The following FCHO1 variants were observed in gnomAD, a reference collection of about 807,000 sequenced individuals.
FCHO1 encodes FCH and mu domain containing endocytic adaptor 1.
A neutral mutation model predicts 114.4 loss-of-function variants in FCHO1; 45 were observed. That is an observed-to-expected ratio of 0.39 (90% CI 0.31 to 0.50). The LOEUF (loss-of-function observed/expected upper bound fraction) is 0.50. Ranked by LOEUF, FCHO1 falls within the 20% of genes least tolerant of loss-of-function variation. The probability of loss-of-function intolerance (pLI) is 0.77; values close to 1 mark genes in which losing one functional copy is unlikely to be tolerated. For synonymous variants in FCHO1, 480 were observed against 488.9 expected (o/e 0.98, Z 0.24); for missense variants, 1,042 against 1,209.6 (o/e 0.86, Z 2.06).
At position 17,784,155 on chromosome 19, in the gene FCHO1, G is replaced by A; in HGVS notation, c.2146G>A (p.Ala716Thr). The A allele has an allele frequency of 6.2e-7, 1 of 1,614,096 alleles. No individual in the cohort carries two copies. The highest frequency in any genetic ancestry group is 8.5e-7 in the Non-Finnish European group (1 of 1,180,020). ...ETKDFWLNMA[A>T]LTEALQRQAE... is the part of the protein sequence containing the mutation. The stretch of plus-strand genomic sequence containing the variant: ...CAAAGACTTCTGGCTCAACATGGCA[G>A]CTCTGACCGAAGCCCTGCAGCGCCA... Residue 716 changes from alanine to threonine, a missense_variant, in exon 25 of 29, where the codon GCT becomes ACT. Transcript: ENST00000596536. This position sits in a 1 kb window ranked among gnomAD's most constrained non-coding sequence, Gnocchi z 5.3.
intron 8 of FCHO1, 99 bp downstream of exon 8, chr19:17,770,676 C>T: frequency 6.3e-7 from 1 of 1,578,496 alleles, no homozygotes; most frequent in Middle Eastern, 1.9e-4. Flanking sequence ...GGTCCTGGAA[C>T]CTGTGGGTGA....
At position 17,781,555 on chromosome 19, in the gene FCHO1, C is replaced by T; in HGVS notation, c.1828+16C>T. 1.9e-6 allele frequency: 3 copies of T among 1,613,434 alleles called. No homozygotes were observed. Among genetic ancestry groups the T allele is most frequent in the African/African-American group, 2.7e-5 (2 of 75,016 alleles). The stretch of plus-strand genomic sequence containing the variant: ...ACAGGACACGGTATGTGAGGGCGGT[C>T]CTGGGCCTGGCTTTGGGCCTCAGTG... On this transcript the variant is annotated intron_variant, in intron 22 of 28. Coordinates refer to ENST00000596536, the MANE Select transcript of FCHO1 (RefSeq NM_015122.3).
Position 17,781,140 on chromosome 19 carries a change from C to CTCCTAAGA in FCHO1, c.1628-89_1628-82dup, listed in dbSNP as rs2093368052. On this transcript the variant is annotated intron_variant, in intron 20 of 28. Coordinates refer to ENST00000596536, the MANE Select transcript of FCHO1 (RefSeq NM_015122.3). ...TGGGGGTCTCTGCAGAAAAGCCCAC[C>CTCCTAAGA]TCCTAAGATTTTGGCTGAGTTTGTG... 11 of 861,236 alleles carry CTCCTAAGA rather than the reference C, an allele frequency of 1.3e-5. No individual in the cohort carries two copies. The South Asian group carries it at 1.8e-4, about 14-fold the overall frequency. 53.3% of individuals were successfully genotyped at this position (861,236 alleles called of 1,614,324 possible). A position where few individuals can be genotyped will look rare whatever the true frequency, so the allele number is the denominator to read the frequency against.
chr19:17,753,453 C>T (rs747966783), intron 1 of FCHO1, among the ~76,000 whole-genome samples: 4 of 152,190 alleles, frequency 2.6e-5, no homozygotes, highest in African/African-American at 4.8e-5. Context: ...GACCTTGTCC[C>T]TCCATCTGGC....
chr19:17,752,753 A>T (rs1048651149), intron 1 of FCHO1, among the ~76,000 whole-genome samples: 2 of 150,816 alleles, frequency 1.3e-5, no homozygotes, highest in African/African-American at 4.9e-5. Flanking sequence ...AAAAAAAAAA[A>T]TTTATTTTTA....
Position 17,787,856 on chromosome 19 carries a change from A to AGT in FCHO1, c.2647+10_2647+11insGT. 1 of 1,610,754 alleles carries AGT rather than the reference A, an allele frequency of 6.2e-7. No individual in the cohort carries two copies. On this transcript the variant is annotated intron_variant, in intron 28 of 28. Transcript: ENST00000596536. ...AGGAGGTTTGCCACAGGTACTCCCC[A>AGT]ACCCTGCTGCTGGGTGACCTCAGGA...
At chr19:17,773,656 G>C (rs1267713095) in intron 11 of FCHO1, among the ~76,000 whole-genome samples, 1 of 152,244 alleles carries the variant, frequency 6.6e-6, no homozygotes, top group East Asian at 1.9e-4. Flanking sequence ...CCCAACCCAA[G>C]TTCCAGCCAC....
Position 17,778,760 on chromosome 19 carries a change from C to T in FCHO1, c.1503C>T (p.Ser501=). 1 of 1,539,026 alleles carries T rather than the reference C, an allele frequency of 6.5e-7. No individual in the cohort carries two copies. Among genetic ancestry groups the T allele is most frequent in the Non-Finnish European group, 8.7e-7 (1 of 1,147,560 alleles). Residue 501 remains serine, a synonymous_variant, in exon 20 of 29, where the codon AGC becomes AGT. Transcript: ENST00000596536. ...TCCCCCGCCCAGGCACCCCGCAGAG[C>T]CCGCCCAGCTGTAGGGCGCCACCCC... ...SWVPRPGTPQ[S]PPSCRAPPPE...
intron 27 of FCHO1, 90 bp downstream of exon 27, chr19:17,786,719 A>T: frequency 7.0e-7 from 1 of 1,426,400 alleles, no homozygotes; most frequent in Non-Finnish European, 9.6e-7. Flanking sequence ...TTGGGGACAT[A>T]CTGAGGGCGG....
chr19:17,778,473 G>A (rs1288195148), intron 19 of FCHO1, 136 bp from the exon 20 acceptor site: 3 of 1,015,586 alleles, frequency 3.0e-6, no homozygotes, highest in African/African-American at 3.2e-5. Context: ...AGAAGGTGTA[G>A]CCTTGGGGGC....
In FCHO1 at chr19:17,776,487, C is replaced by T. The variant is rs763264741; in HGVS notation, c.1208-148C>T. On this transcript the variant is annotated intron_variant, in intron 17 of 28. Coordinates refer to ENST00000596536, the MANE Select transcript of FCHO1 (RefSeq NM_015122.3). The surrounding 1 kb of genome is among the most constrained non-coding windows in gnomAD (Gnocchi z 4.4). ...AGAAGCTAGCATCTGGAGACAGGCT[C>T]GCTTAGGCTTGAATCCATGTCTGCC... is the stretch of plus-strand genomic sequence containing the variant. 4.4e-5 allele frequency: 46 copies of T among 1,039,922 alleles called. No individual in the cohort carries two copies. The highest frequency in any genetic ancestry group is 6.1e-5 in the Non-Finnish European group (41 of 673,774). 64.4% of individuals were successfully genotyped at this position (1,039,922 alleles called of 1,614,324 possible).
chr19:17,749,012 G>A (rs2081290437), upstream of FCHO1, among the ~76,000 whole-genome samples: 1 of 152,198 alleles, frequency 6.6e-6, no homozygotes, highest in Non-Finnish European at 1.5e-5. Flanking sequence ...TTGGGGCTGA[G>A]GGCATGGGGA....
chr19:17,762,919 G>A, intron 5 of FCHO1, 66 bp downstream of exon 5: 1 of 1,095,032 alleles, frequency 9.1e-7, no homozygotes, highest in Middle Eastern at 2.7e-4. Flanking sequence ...CCCACCTAAT[G>A]GCTACGCCCT....
Position 17,770,773 on chromosome 19 carries a change from TCCTCCCTGTG to T in FCHO1, c.490-17_490-8del. On this transcript the variant is annotated splice_polypyrimidine_tract_variant and intron_variant, in intron 8 of 28. Coordinates refer to ENST00000596536, the MANE Select transcript of FCHO1 (RefSeq NM_015122.3). Reference sequence around the variant, plus strand: ...TGAGTATCGCCCTCCCATCCCCGTTTCCTCCCTGTGCTTTGTAGGCGGAGACTAAAACCAA... The same window carrying T: ...TGAGTATCGCCCTCCCATCCCCGTTTCTTTGTAGGCGGAGACTAAAACCAA... 1 of 1,613,586 alleles carries T rather than the reference TCCTCCCTGTG, an allele frequency of 6.2e-7. No individual in the cohort carries two copies. The highest frequency in any genetic ancestry group is 1.7e-4 in the Middle Eastern group (1 of 5,832).
At chr19:17,778,370 T>A in intron 19 of FCHO1, 142 bp downstream of exon 19, 2 of 672,986 alleles carry the variant, frequency 3.0e-6, no homozygotes, top group Non-Finnish European at 4.9e-6. Flanking sequence ...GGGGCCAGAG[T>A]GCGCGTGGGA....
intron 4 of FCHO1, 145 bp downstream of exon 4, chr19:17,755,336 G>A: frequency 2.6e-6 from 2 of 769,518 alleles, no homozygotes; most frequent in Non-Finnish European, 4.3e-6. Context: ...GAAGAGTCAG[G>A]CTGGGTTTGA....
At chr19:17,770,947 G>A (rs1305312353) in intron 9 of FCHO1, 51 bp downstream of exon 9, 1 of 1,511,060 alleles carries the variant, frequency 6.6e-7, no homozygotes, top group African/African-American at 1.4e-5. Context: ...CTTTGCCCTG[G>A]AGGTTATGGA....
chr19:17,779,348 G>A (rs980513124), intron 20 of FCHO1, among the ~76,000 whole-genome samples: 1 of 152,040 alleles, frequency 6.6e-6, no homozygotes, highest in African/African-American at 2.4e-5. Flanking sequence ...AACGCTGAGG[G>A]CCATGAGCAG....
intron 20 of FCHO1, among the ~76,000 whole-genome samples, chr19:17,779,341 G>A (rs1336802725): frequency 2.0e-5 from 3 of 151,988 alleles, no homozygotes; most frequent in African/African-American, 4.8e-5. Flanking sequence ...CCTGAGTAAC[G>A]CTGAGGGCCA....
Sources: gnomAD v4.1 joint callset for allele counts (sites outside exome capture counted in the v4.1 genomes callset) on GRCh38, gnomAD v4.1.1 for gene constraint, Gnocchi (gnomAD v3.1) non-coding constraint, MANE v1.5 for transcripts, NCBI Gene and HGNC (gene_info 2026-07-23, HGNC 2026-07-21) for gene names.